Variants in CABIN1 observed in about 807,000 individuals in gnomAD.
The protein encoded by CABIN1 is calcineurin binding protein 1, also known as calcineurin-binding protein cabin-1.
In CABIN1, 133 loss-of-function variants were observed where a neutral mutation model predicts 227.7. That is an observed-to-expected ratio of 0.58 (90% confidence interval 0.51 to 0.67). The LOEUF is 0.67. Ranked by LOEUF, CABIN1 falls within the 30% of genes least tolerant of loss-of-function variation. CABIN1 has a pLI of 0.00. For missense variants in CABIN1, 2,408 were observed against 2,852.5 expected, an observed-to-expected ratio of 0.84 and a Z score of 3.55; for synonymous variants, 1,086 against 1,155.1, an observed-to-expected ratio of 0.94 and a Z score of 1.21.
intron 1 of CABIN1, among the ~76,000 whole-genome samples, chr22:24,016,683 A>G (rs1433478468): frequency 6.6e-6 from 1 of 152,228 alleles, no homozygotes; most frequent in Non-Finnish European, 1.5e-5. Flanking sequence ...TGCTGGGTTG[A>G]AAGGTAAATG....
intron 20 of CABIN1, 119 bp from the exon 21 acceptor site, chr22:24,084,460 C>T: frequency 1.1e-6 from 1 of 880,682 alleles, no homozygotes; most frequent in Non-Finnish European, 1.9e-6. Context: ...GTTTTAGGCT[C>T]TCCAATATGC....
In CABIN1 at chr22:24,166,876, G is replaced by A. The variant is rs142275051; in HGVS notation, c.5245G>A (p.Asp1749Asn). The change falls in exon 32 of 37, where the codon GAT becomes AAT. Residue 1749 changes from aspartate to asparagine, a missense_variant. Physicochemically the swap from Asp to Asn is conservative, Grantham distance 23. Around this residue, in one of 3 missense-constraint regions of CABIN1, gnomAD observed 714 missense variants for 773.8 expected, o/e 0.92. Coordinates refer to ENST00000263119, the MANE Select transcript of CABIN1 (RefSeq NM_012295.4). The part of the protein sequence containing the change: ...DSADQSGERK[D>N]KESPRAGPTE... Reference sequence around the variant, plus strand: ...TGCAGACCAAAGCGGGGAGCGGAAGGATAAAGAGAGCCCACGGGCAGGGCC... The same window carrying A: ...TGCAGACCAAAGCGGGGAGCGGAAGAATAAAGAGAGCCCACGGGCAGGGCC... 320 of 1,611,644 alleles carry A rather than the reference G, an allele frequency of 2.0e-4. No individual in the cohort carries two copies. Among genetic ancestry groups the A allele is most frequent in the Middle Eastern group, 1.7e-3 (10 of 6,060 alleles).
At chr22:24,101,213 C>G (rs1198485706) in intron 26 of CABIN1, among the ~76,000 whole-genome samples, 1 of 152,224 alleles carries the variant, frequency 6.6e-6, no homozygotes, top group East Asian at 1.9e-4. Flanking sequence ...GCTGCCTTCC[C>G]ACATTGGTAT....
intron 13 of CABIN1, 136 bp downstream of exon 13, chr22:24,062,161 A>G: frequency 1.4e-6 from 1 of 731,502 alleles, no homozygotes; most frequent in Non-Finnish European, 2.4e-6. Context: ...TTGGCTTGTC[A>G]GGGTCCCAGG....
intron 22 of CABIN1, among the ~76,000 whole-genome samples, chr22:24,086,621 G>T (rs1184281207): frequency 6.6e-6 from 1 of 152,250 alleles, no homozygotes; most frequent in Non-Finnish European, 1.5e-5. Context: ...CGATTGGCAT[G>T]TGTGAGGGTG....
chr22:24,058,052 G>T (rs1453416117), intron 10 of CABIN1, among the ~76,000 whole-genome samples: 2 of 152,172 alleles, frequency 1.3e-5, no homozygotes, highest in African/African-American at 4.8e-5. Context: ...TTTTGTTAGA[G>T]ATGGGGTCTT....
chr22:24,121,318 G>A (rs1248960806), intron 28 of CABIN1, among the ~76,000 whole-genome samples: 2 of 152,226 alleles, frequency 1.3e-5, no homozygotes, highest in Non-Finnish European at 2.9e-5. Flanking sequence ...TAAGTGCTGT[G>A]TCCCCACAGT....
At chr22:24,067,225 CCTTG>C (rs1569159127) in intron 16 of CABIN1, 44 bp downstream of exon 16, 4 of 1,594,706 alleles carry the variant, frequency 2.5e-6, no homozygotes, top group Admixed American at 3.3e-5. Context: ...CACCTTCTCT[CCTTG>C]CTTGTTTGTG....
chr22:24,088,241 GTAGCACTGCACCC>G (rs1471076002), intron 23 of CABIN1, among the ~76,000 whole-genome samples: 3 of 152,164 alleles, frequency 2.0e-5, no homozygotes, highest in Non-Finnish European at 1.5e-5. Flanking sequence ...CAGTAGTGCA[GTAGCACTGCACCC>G]TAGAGAGGAT....
In CABIN1 at chr22:24,059,802, CAT is replaced by C. The variant is rs199680505; in HGVS notation, c.1400-121_1400-120del. ...TGATCTCAGCACCACAACGTGGTATCATGTCCACCTGGATCAGATGGTAGAGG... is the reference window on the plus strand; with the variant it reads ...TGATCTCAGCACCACAACGTGGTATCGTCCACCTGGATCAGATGGTAGAGG... On this transcript the variant is annotated intron_variant, in intron 11 of 36. Transcript: ENST00000263119. The C allele has an allele frequency of 2.6e-3, 2,292 of 877,144 alleles. 39 individuals carry two copies. In the African/African-American group the frequency reaches 0.032, roughly 12 times the overall value. 54.3% of individuals were successfully genotyped at this position (877,144 alleles called of 1,614,324 possible). A position where few individuals can be genotyped will look rare whatever the true frequency, so the allele number is the denominator to read the frequency against.
At chr22:24,075,616 G>A (rs370387977) in intron 18 of CABIN1, among the ~76,000 whole-genome samples, 1 of 152,038 alleles carries the variant, frequency 6.6e-6, no homozygotes, top group Admixed American at 6.6e-5. Flanking sequence ...GTGGTAGCTC[G>A]CGCCTGTAGT....
intron 34 of CABIN1, among the ~76,000 whole-genome samples, chr22:24,174,692 G>A (rs1040342625): frequency 2.0e-5 from 3 of 152,154 alleles, no homozygotes; most frequent in African/African-American, 7.2e-5. Context: ...CTCCCTTGGG[G>A]TGTTGGCAGC....
At chr22:24,168,331 C>T (rs916366444) in intron 32 of CABIN1, 116 bp from the exon 33 acceptor site, 12 of 1,019,230 alleles carry the variant, frequency 1.2e-5, no homozygotes, top group South Asian at 6.9e-5. Flanking sequence ...GGGGGGCACC[C>T]GAGCCACAGG....
intron 29 of CABIN1, among the ~76,000 whole-genome samples, chr22:24,158,060 C>T (rs996546895): frequency 2.6e-5 from 4 of 152,238 alleles, no homozygotes; most frequent in Non-Finnish European, 5.9e-5. Context: ...CCACGACACC[C>T]GTGCCACGGG....
At chr22:24,099,568 C>A (rs1054195274) in intron 26 of CABIN1, among the ~76,000 whole-genome samples, 1 of 152,228 alleles carries the variant, frequency 6.6e-6, no homozygotes. Context: ...TGCAGACTTT[C>A]CCTGTTAAGA....
chr22:24,155,215 G>A (rs539551677), intron 29 of CABIN1, among the ~76,000 whole-genome samples: 1 of 152,268 alleles, frequency 6.6e-6, no homozygotes, highest in East Asian at 1.9e-4. Context: ...CACTGGAGCT[G>A]TGAGTACCAG....
chr22:24,070,570 C>G (rs2040010848), intron 16 of CABIN1, among the ~76,000 whole-genome samples: 1 of 152,262 alleles, frequency 6.6e-6, no homozygotes, highest in Non-Finnish European at 1.5e-5. Flanking sequence ...GAGGTGAAGC[C>G]TTTCTGAAAG....
chr22:24,015,413 C>T (rs1157296158), intron 1 of CABIN1, among the ~76,000 whole-genome samples: 2 of 149,546 alleles, frequency 1.3e-5, no homozygotes, highest in African/African-American at 2.5e-5. Flanking sequence ...GGCGCTATCT[C>T]GGCTCACTGC....
intron 29 of CABIN1, 56 bp from the exon 30 acceptor site, chr22:24,164,344 C>T (rs550470291): frequency 6.3e-7 from 1 of 1,594,610 alleles, no homozygotes; most frequent in East Asian, 2.2e-5. Context: ...ACAGGGTGTC[C>T]CCGAGGCTCC....
Sources: gnomAD v4.1 joint callset for allele counts (sites outside exome capture counted in the v4.1 genomes callset) on GRCh38, gnomAD v4.1.1 for gene constraint, gnomAD v4.1.1 regional missense constraint, MANE v1.5 for transcripts, NCBI Gene and HGNC (gene_info 2026-07-23, HGNC 2026-07-21) for gene names.